PDE12: variants seen among roughly 807,000 people sequenced by gnomAD.
The protein encoded by PDE12 is phosphodiesterase 12, also known as 2',5'-phosphodiesterase 12.
A neutral mutation model predicts 45.4 loss-of-function variants in PDE12; 26 were observed. The ratio of observed to expected loss-of-function variants is 0.57; its 90% CI spans 0.42 to 0.79. The LOEUF (loss-of-function observed/expected upper bound fraction) is 0.79, where lower values mean the gene tolerates loss of function less well. Ranked by LOEUF, PDE12 falls within the 30% of genes least tolerant of loss-of-function variation. PDE12 has a pLI of 0.00. For synonymous variants in PDE12, 283 were observed against 323.9 expected (o/e 0.87, Z 1.36); for missense variants, 668 against 790.0 (o/e 0.85, Z 1.85).
rs1389728866 is a variant in PDE12, at chr3:57,556,661, G to A, written c.282G>A (p.Lys94=). The change falls in exon 1 of 3, where the codon AAG becomes AAA. Residue 94 remains lysine (K), a synonymous_variant. Coordinates refer to ENST00000311180, the MANE Select transcript of PDE12 (RefSeq NM_177966.7). This position sits in a 1 kb window ranked among gnomAD's most constrained non-coding sequence, Gnocchi z 5.0. The part of the protein sequence containing the change: ...KGHAKAAAAK[K]SRKSRPNASG... ...ACGCTAAGGCGGCCGCCGCCAAGAA[G>A]AGCAGGAAGAGCCGGCCGAATGCTA... 2 of 1,599,828 alleles carry A rather than the reference G, an allele frequency of 1.3e-6. No individual in the cohort carries two copies. The highest frequency in any genetic ancestry group is 8.5e-7 in the Non-Finnish European group (1 of 1,170,002).
chr3:57,582,630 G>T, the PDE12 span, among the ~76,000 whole-genome samples: 1 of 152,130 alleles, frequency 6.6e-6, no homozygotes, highest in African/African-American at 2.4e-5. Flanking sequence ...CTCACCTAGG[G>T]TATTCACTGC....
Position 57,561,695 on chromosome 3 carries a change from T to A in PDE12, c.*1691T>A, listed in dbSNP as rs2069730632. ...CAAGAAAAGCTTTGATTTTCCCCAG[T>A]CATGAAAGCCCTTGTTTCAAATTCT... On this transcript the variant is annotated 3_prime_UTR_variant, in exon 3 of 3. Transcript: ENST00000311180. 4 of 985,134 alleles carry A rather than the reference T, an allele frequency of 4.1e-6. No homozygotes were observed. Among genetic ancestry groups the A allele is most frequent in the Non-Finnish European group, 4.8e-6 (4 of 829,664 alleles). The allele number at this position is 985,134 out of a possible 1,614,324, so 61.0% of individuals were successfully genotyped here.
chr3:57,598,431 A>T, the PDE12 span, among the ~76,000 whole-genome samples: 10 of 152,164 alleles, frequency 6.6e-5, no homozygotes, highest in Non-Finnish European at 1.0e-4. Flanking sequence ...TGGTAGCACT[A>T]CCTTATCTAC....
At chr3:57,568,612 G>T (rs1162153458), downstream of PDE12, among the ~76,000 whole-genome samples, 2 of 148,960 alleles carry the variant, frequency 1.3e-5, no homozygotes, top group Non-Finnish European at 3.0e-5. Flanking sequence ...TAGAGATGGA[G>T]GTCTCACTAT....
At chr3:57,594,636 C>T in the PDE12 span, among the ~76,000 whole-genome samples, 1 of 152,178 alleles carries the variant, frequency 6.6e-6, no homozygotes, top group Non-Finnish European at 1.5e-5. Context: ...TTTGGCAAAC[C>T]TGACACATCA....
chr3:57,634,937 A>G, the PDE12 span, among the ~76,000 whole-genome samples: 1 of 152,286 alleles, frequency 6.6e-6, no homozygotes, highest in East Asian at 1.9e-4. Context: ...TTAAAACTGG[A>G]TAACAAGAAT....
the PDE12 span, chr3:57,628,829 C>T: frequency 2.2e-5 from 35 of 1,611,948 alleles, 1 homozygote; most frequent in Admixed American, 5.4e-4. Context: ...TTTTCAGCTT[C>T]AAGACAAGGT....
At position 57,556,874 on chromosome 3, in the gene PDE12, C is replaced by G; in HGVS notation, c.495C>G (p.Thr165=). ...YKVERNPPAF[T]ELQLPRYIMA... is the part of the protein sequence containing the mutation. The stretch of plus-strand genomic sequence containing the variant: ...TGGAGCGCAACCCGCCCGCCTTCAC[C>G]GAACTGCAGTTGCCGCGCTACATCA... The change falls in exon 1 of 3, where the codon ACC becomes ACG. Residue 165 remains threonine, a synonymous_variant. Coordinates refer to ENST00000311180, the MANE Select transcript of PDE12 (RefSeq NM_177966.7). The surrounding 1 kb of genome is among the most constrained non-coding windows in gnomAD (Gnocchi z 5.0). 1.2e-6 allele frequency: 2 copies of G among 1,614,132 alleles called. No individual in the cohort carries two copies. The highest frequency in any genetic ancestry group is 1.7e-6 in the Non-Finnish European group (2 of 1,180,042).
chr3:57,600,333 T>C, the PDE12 span, among the ~76,000 whole-genome samples: 1 of 151,132 alleles, frequency 6.6e-6, no homozygotes, highest in Non-Finnish European at 1.5e-5. Context: ...CCAAATTCTT[T>C]TCTTTTCTCT....
the PDE12 span, among the ~76,000 whole-genome samples, chr3:57,589,041 G>A: frequency 3.3e-5 from 5 of 151,706 alleles, no homozygotes; most frequent in Admixed American, 6.6e-5. Flanking sequence ...GGCGGAGGTC[G>A]CAGTGAGCTG....
chr3:57,557,067 G>A lies in PDE12; in HGVS notation c.688G>A (p.Val230Met). The change falls in exon 1 of 3, where the codon GTG becomes ATG. Residue 230 changes from valine to methionine, a missense_variant. This residue lies in a region of PDE12 where 580 missense variants were observed against 662.9 expected (regional missense o/e 0.87). Transcript: ENST00000311180. ...TTCTTCTTCTTGGACTGAGACTGAT[G>A]TGGAGGAGCGTGTCTACACCCCGTC... ...SPSSSWTETD[V>M]EERVYTPSNA... 1 of 1,614,072 alleles carries A rather than the reference G, an allele frequency of 6.2e-7. No homozygotes were observed. Among genetic ancestry groups the A allele is most frequent in the Non-Finnish European group, 8.5e-7 (1 of 1,180,022 alleles).
chr3:57,644,094 A>C, the PDE12 span, among the ~76,000 whole-genome samples: 1 of 151,520 alleles, frequency 6.6e-6, no homozygotes, highest in East Asian at 1.9e-4. Context: ...AGGTTGCAGT[A>C]AACCAAGATG....
In PDE12 at chr3:57,559,643, C is replaced by A. The variant is rs1424819076; in HGVS notation, c.1469C>A (p.Pro490Gln). Reference sequence around the variant, plus strand: ...TCATGTGATCTGTATCCTGGCATACCAGTTATATTTTGTGGGGACTTTAAT... The same window carrying A: ...TCATGTGATCTGTATCCTGGCATACAAGTTATATTTTGTGGGGACTTTAAT... ...HVSCDLYPGI[P>Q]VIFCGDFNST... The change falls in exon 3 of 3, where the codon CCA (proline) becomes CAA (glutamine). Residue 490 changes from proline (P) to glutamine (Q), a missense_variant. Pro to Gln is a moderately conservative substitution (Grantham distance 76). Transcript: ENST00000311180. The A allele has an allele frequency of 1.2e-6, 2 of 1,613,986 alleles. No individual in the cohort carries two copies. The highest frequency in any genetic ancestry group is 2.7e-5 in the African/African-American group (2 of 74,898).
chr3:57,608,216 C>T, the PDE12 span, among the ~76,000 whole-genome samples: 7 of 152,124 alleles, frequency 4.6e-5, no homozygotes, highest in Non-Finnish European at 1.0e-4. Context: ...CAGGCCTGCC[C>T]TACAAGAGCT....
chr3:57,644,162 A>C, the PDE12 span, among the ~76,000 whole-genome samples: 3 of 151,994 alleles, frequency 2.0e-5, no homozygotes, highest in Non-Finnish European at 2.9e-5. Flanking sequence ...AAAAAAAAAA[A>C]AAAAACTATC....
the PDE12 span, chr3:57,630,536 A>AT: frequency 2.5e-6 from 4 of 1,582,894 alleles, no homozygotes; most frequent in Non-Finnish European, 3.4e-6. Flanking sequence ...ATAAAAATAC[A>AT]TTTTAAAAAA....
At chr3:57,637,766 C>CAA in the PDE12 span, among the ~76,000 whole-genome samples, 108 of 109,444 alleles carry the variant, frequency 9.9e-4, no homozygotes, top group African/African-American at 3.4e-3. Flanking sequence ...AATAAGACTT[C>CAA]AAAAAAAAAA....
the PDE12 span, among the ~76,000 whole-genome samples, chr3:57,652,130 G>A: frequency 2.0e-5 from 3 of 152,312 alleles, no homozygotes; most frequent in South Asian, 2.1e-4. Flanking sequence ...TAATTCTCCC[G>A]TTCTTGAGCG....
Position 57,561,614 on chromosome 3 carries a change from T to C in PDE12, c.*1610T>C, listed in dbSNP as rs2069729551. 1 of 985,090 alleles carries C rather than the reference T, an allele frequency of 1.0e-6. No homozygotes were observed. The highest frequency in any genetic ancestry group is 4.7e-5 in the South Asian group (1 of 21,288). The allele number at this position is 985,090 out of a possible 1,614,324, so 61.0% of individuals were successfully genotyped here. A position where few individuals can be genotyped will look rare whatever the true frequency, so the allele number is the denominator to read the frequency against. On this transcript the variant is annotated 3_prime_UTR_variant, in exon 3 of 3. Transcript: ENST00000311180. ...GCTTTTTTGATGTTCAGGATAACTA[T>C]GTTATCTCATTTCTGCATTTAATTA... is the stretch of plus-strand genomic sequence containing the variant.
Sources: allele counts gnomAD v4.1 joint callset (sites outside exome capture counted in the v4.1 genomes callset), GRCh38; gene constraint gnomAD v4.1.1; regional missense constraint gnomAD v4.1.1; non-coding constraint Gnocchi (gnomAD v3.1); transcripts MANE v1.5; gene names NCBI Gene and HGNC (gene_info 2026-07-23, HGNC 2026-07-21).